DENND1B: variants seen among roughly 807,000 people sequenced by gnomAD.
DENND1B encodes the protein DENN domain-containing protein 1B.
In DENND1B, 59 loss-of-function variants were observed where a neutral mutation model predicts 90.1. The observed-to-expected ratio is 0.65, with a 90% confidence interval of 0.53 to 0.81. The LOEUF (loss-of-function observed/expected upper bound fraction) is 0.81. Ranked by LOEUF, DENND1B falls within the 40% of genes least tolerant of loss-of-function variation. The pLI, the probability that DENND1B is intolerant of heterozygous loss-of-function variation, is 0.00. For missense variants in DENND1B, 862 were observed against 912.6 expected (o/e 0.94, Z 0.71); for synonymous variants, 337 against 324.6 (o/e 1.04, Z -0.41).
At chr1:197,643,978 G>A (rs1242798283) in intron 9 of DENND1B, among the ~76,000 whole-genome samples, 1 of 152,188 alleles carries the variant, frequency 6.6e-6, no homozygotes, top group African/African-American at 2.4e-5. Context: ...AGTCAGGCAA[G>A]AATGTAAGAA....
Position 197,595,232 on chromosome 1 carries a change from G to A in DENND1B, c.1023C>T (p.Tyr341=). ...LRAQAALFGS[Y]RDALRYKPGE... ...CAGGTTTGTATCTCAGTGCATCTCT[G>A]TAGGATCCAAACAAAGCAGCCTGTG... Residue 341 remains tyrosine (Y), a synonymous_variant, in exon 14 of 23, where the codon TAC becomes TAT. Transcript: ENST00000620048. The A allele has an allele frequency of 6.2e-7, 1 of 1,613,148 alleles. No homozygotes were observed. Among genetic ancestry groups the A allele is most frequent in the Non-Finnish European group, 8.5e-7 (1 of 1,179,340 alleles).
intron 12 of DENND1B, among the ~76,000 whole-genome samples, chr1:197,610,753 G>T (rs183086214): frequency 2.1e-3 from 312 of 150,822 alleles, no homozygotes; most frequent in Admixed American, 8.0e-3. Context: ...TTCACTGAAA[G>T]TACCTTGGCA....
chr1:197,646,041 T>C (rs147536984), intron 8 of DENND1B, among the ~76,000 whole-genome samples: 14 of 151,990 alleles, frequency 9.2e-5, no homozygotes, highest in African/African-American at 2.9e-4. Context: ...AAGGTTTATT[T>C]TGTACATATA....
intron 2 of DENND1B, among the ~76,000 whole-genome samples, chr1:197,760,355 T>C (rs1479039503): frequency 1.3e-5 from 2 of 152,012 alleles, no homozygotes; most frequent in Non-Finnish European, 1.5e-5. Context: ...GAGAAATGAA[T>C]CAAAAAATTA....
intron 3 of DENND1B, among the ~76,000 whole-genome samples, chr1:197,680,689 A>C (rs921553155): frequency 6.6e-6 from 1 of 152,174 alleles, no homozygotes; most frequent in Non-Finnish European, 1.5e-5. Flanking sequence ...CTTAGATTTA[A>C]AAAAGAAAAT....
intron 10 of DENND1B, among the ~76,000 whole-genome samples, chr1:197,637,024 G>GA (rs567647758): frequency 4.9e-4 from 72 of 147,596 alleles, no homozygotes; most frequent in African/African-American, 1.5e-3. Flanking sequence ...ACTGTAAAAT[G>GA]AAAAAAAAAA....
chr1:197,696,027 C>T (rs1008798901), intron 3 of DENND1B, among the ~76,000 whole-genome samples: 6 of 151,278 alleles, frequency 4.0e-5, no homozygotes, highest in Middle Eastern at 3.4e-3. Context: ...GACCTTAACT[C>T]CTACCTGCAT....
chr1:197,762,606 TTTTA>T (rs1269619481), intron 2 of DENND1B, among the ~76,000 whole-genome samples: 5 of 152,164 alleles, frequency 3.3e-5, no homozygotes, highest in Non-Finnish European at 5.9e-5. Context: ...TACAATACAA[TTTTA>T]TTAACTTTGG....
chr1:197,690,973 T>C (rs1657811901), intron 3 of DENND1B, among the ~76,000 whole-genome samples: 1 of 151,942 alleles, frequency 6.6e-6, no homozygotes, highest in South Asian at 2.1e-4. Context: ...TGTAAAGCTC[T>C]TAGAAGAAAA....
At chr1:197,528,627 G>A (rs571171844) in intron 20 of DENND1B, among the ~76,000 whole-genome samples, 5 of 152,226 alleles carry the variant, frequency 3.3e-5, no homozygotes, top group South Asian at 2.1e-4. Context: ...TTGGGAGGCC[G>A]AGGCGGGCGG....
chr1:197,701,684 C>G (rs940480972), intron 3 of DENND1B, among the ~76,000 whole-genome samples: 1 of 152,108 alleles, frequency 6.6e-6, no homozygotes, highest in African/African-American at 2.4e-5. Flanking sequence ...AGAACCACAT[C>G]GTCTTCTTTA....
chr1:197,516,874 AATAT>A (rs1668435530), intron 20 of DENND1B, among the ~76,000 whole-genome samples: 1 of 151,828 alleles, frequency 6.6e-6, no homozygotes. Context: ...AAAAATAAAA[AATAT>A]ATACATTATT....
At chr1:197,724,034 T>C (rs1435183818) in intron 2 of DENND1B, among the ~76,000 whole-genome samples, 1 of 152,090 alleles carries the variant, frequency 6.6e-6, no homozygotes, top group Non-Finnish European at 1.5e-5. Context: ...CAAAAAGTAA[T>C]TTTGGGTAGA....
intron 3 of DENND1B, among the ~76,000 whole-genome samples, chr1:197,707,665 T>TATAATATA (rs904387971): frequency 1.4e-5 from 2 of 145,182 alleles, no homozygotes; most frequent in African/African-American, 5.0e-5. Flanking sequence ...TATATACATA[T>TATAATATA]ATAATATAAT....
intron 2 of DENND1B, chr1:197,735,243 T>C: frequency 1.9e-6 from 2 of 1,075,894 alleles, no homozygotes; most frequent in South Asian, 3.0e-5. Flanking sequence ...ATCTGTAAAA[T>C]GATTACAGTA....
intron 2 of DENND1B, among the ~76,000 whole-genome samples, chr1:197,767,620 G>A (rs775812764): frequency 2.0e-4 from 30 of 152,124 alleles, no homozygotes; most frequent in Admixed American, 4.6e-4. Flanking sequence ...ACGTGCTAAA[G>A]ATGTTTTAAA....
At position 197,775,248 on chromosome 1, in the gene DENND1B, C is replaced by T; in HGVS notation, c.-93G>A. The T allele has an allele frequency of 9.5e-7, 1 of 1,056,252 alleles. No individual in the cohort carries two copies. The highest frequency in any genetic ancestry group is 1.2e-6 in the Non-Finnish European group (1 of 822,530). The allele number at this position is 1,056,252 out of a possible 1,614,324, so 65.4% of individuals were successfully genotyped here. On this transcript the variant is annotated 5_prime_UTR_variant, in exon 1 of 23. Coordinates refer to ENST00000620048, the MANE Select transcript of DENND1B (RefSeq NM_001195215.2). The stretch of plus-strand genomic sequence containing the variant: ...CGCGCGAGGGTCGCGCCGTCCCCGC[C>T]CACGCCGGCGGCCACACAGGGAAAG...
intron 10 of DENND1B, among the ~76,000 whole-genome samples, chr1:197,634,981 T>C (rs1025735186): frequency 6.6e-6 from 1 of 150,522 alleles, no homozygotes; most frequent in African/African-American, 2.5e-5. Context: ...GCGACAAGAG[T>C]GCAACTCTGC....
intron 7 of DENND1B, among the ~76,000 whole-genome samples, chr1:197,650,757 C>T (rs974117817): frequency 2.0e-5 from 3 of 152,182 alleles, no homozygotes; most frequent in Admixed American, 6.5e-5. Flanking sequence ...AAGTGAAGTG[C>T]CTCAGGAATG....
Sources: gnomAD v4.1 joint callset for allele counts (sites outside exome capture counted in the v4.1 genomes callset) on GRCh38, gnomAD v4.1.1 for gene constraint, MANE v1.5 for transcripts, NCBI Gene and HGNC (gene_info 2026-07-23, HGNC 2026-07-21) for gene names.